The following TGFA variants were observed in gnomAD, a reference collection of about 807,000 sequenced individuals.
TGFA encodes transforming growth factor alpha, also known as protransforming growth factor alpha.
TGFA carries 12 observed loss-of-function variants against 21.7 expected under a neutral mutation model. That is an observed-to-expected ratio of 0.55 (90% CI 0.35 to 0.90). The LOEUF (loss-of-function observed/expected upper bound fraction) is 0.90, where lower values mean the gene tolerates loss of function less well. TGFA is among the 40% of genes least tolerant of loss of function. The pLI, the probability that TGFA is intolerant of heterozygous loss-of-function variation, is 0.01. For missense variants in TGFA, 178 were observed against 210.8 expected, an observed-to-expected ratio of 0.84 and a Z score of 0.96; for synonymous variants, 79 against 88.1, an observed-to-expected ratio of 0.90 and a Z score of 0.58.
At chr2:70,510,973 T>C (rs1327455211) in intron 2 of TGFA, among the ~76,000 whole-genome samples, 4 of 146,958 alleles carry the variant, frequency 2.7e-5, no homozygotes, top group African/African-American at 1.0e-4. Flanking sequence ...AGATCTCATT[T>C]CTAAAAATAA....
At chr2:70,522,489 C>A (rs1672502323) in intron 1 of TGFA, among the ~76,000 whole-genome samples, 1 of 152,088 alleles carries the variant, frequency 6.6e-6, no homozygotes, top group Admixed American at 6.6e-5. Flanking sequence ...GGCTGGAGTA[C>A]AGTGGCATGA....
intron 1 of TGFA, among the ~76,000 whole-genome samples, chr2:70,541,476 A>G (rs1261064844): frequency 1.3e-5 from 2 of 152,184 alleles, no homozygotes; most frequent in Admixed American, 6.5e-5. Flanking sequence ...GTCTCTGGTG[A>G]GTCAATCTGG....
Position 70,448,084 on chromosome 2 carries a change from C to CT in TGFA, c.*2774dup, listed in dbSNP as rs1374132277. On this transcript the variant is annotated 3_prime_UTR_variant, in exon 6 of 6. Transcript: ENST00000295400. The stretch of plus-strand genomic sequence containing the variant: ...TTCTCCTTTCTCAGGGAAAAGAACT[C>CT]TAGGGCCATTCTGCCCATCTCTCCT... 1 of 152,212 alleles carries CT rather than the reference C, an allele frequency of 6.6e-6. No individual in the cohort carries two copies. 9.4% of individuals were successfully genotyped at this position (152,212 alleles called of 1,614,324 possible).
intron 1 of TGFA, among the ~76,000 whole-genome samples, chr2:70,521,346 C>T (rs1406308688): frequency 1.3e-5 from 2 of 152,154 alleles, no homozygotes; most frequent in Admixed American, 6.5e-5. Flanking sequence ...CTTTTCCCTG[C>T]ACAAAAATTG....
At chr2:70,501,515 A>G (rs1375859991) in intron 2 of TGFA, among the ~76,000 whole-genome samples, 1 of 152,152 alleles carries the variant, frequency 6.6e-6, no homozygotes, top group Non-Finnish European at 1.5e-5. Context: ...TTAAACAAGA[A>G]AGAGAGAAAG....
At chr2:70,542,569 A>G (rs1553505310) in intron 1 of TGFA, among the ~76,000 whole-genome samples, 1 of 152,198 alleles carries the variant, frequency 6.6e-6, no homozygotes, top group Non-Finnish European at 1.5e-5. Context: ...TCTCTCATAT[A>G]AGCATTGGTT....
chr2:70,499,685 A>T (rs187453949), intron 2 of TGFA, among the ~76,000 whole-genome samples: 1 of 152,314 alleles, frequency 6.6e-6, no homozygotes, highest in East Asian at 1.9e-4. Context: ...TTTATTTTGT[A>T]TCTATTGTGT....
intron 5 of TGFA, among the ~76,000 whole-genome samples, chr2:70,452,478 T>C (rs1014185929): frequency 1.6e-5 from 2 of 127,296 alleles, no homozygotes; most frequent in Admixed American, 1.5e-4. Context: ...TTAAGGTCAT[T>C]AGAGACCTTT....
intron 2 of TGFA, among the ~76,000 whole-genome samples, chr2:70,479,722 C>T (rs967686861): frequency 2.6e-5 from 4 of 151,822 alleles, no homozygotes; most frequent in African/African-American, 7.3e-5. Flanking sequence ...ACTGACTTTA[C>T]TGTGATATCT....
chr2:70,522,356 A>G (rs1158138387), intron 1 of TGFA, among the ~76,000 whole-genome samples: 1 of 152,214 alleles, frequency 6.6e-6, no homozygotes, highest in African/African-American at 2.4e-5. Flanking sequence ...CCCTGCCGCT[A>G]CAGCTCTAGG....
rs57147767 is a variant in TGFA, at chr2:70,474,969, CGTGTGT to C, written c.95-9239_95-9234del. Among the ~76,000 whole-genome samples the C allele has an allele frequency of 2.0e-3, 296 of 147,474 alleles. 1 individual carries two copies. The highest frequency in any genetic ancestry group is 3.5e-3 in the Middle Eastern group (1 of 288). On this transcript the variant is annotated intron_variant, in intron 2 of 5. Coordinates refer to ENST00000295400, the MANE Select transcript of TGFA (RefSeq NM_003236.4). ...TACTGGTTATTGATAACACAGCAGC[CGTGTGT>C]GTGTGTGTGTGTGTGTGTGTGTGTG...
intron 1 of TGFA, among the ~76,000 whole-genome samples, chr2:70,549,452 G>C (rs1456619849): frequency 6.6e-6 from 1 of 152,150 alleles, no homozygotes; most frequent in Non-Finnish European, 1.5e-5. Context: ...GAACTTGTCA[G>C]CCAGGCAAAC....
At chr2:70,534,485 G>A (rs189523944) in intron 1 of TGFA, among the ~76,000 whole-genome samples, 1 of 152,202 alleles carries the variant, frequency 6.6e-6, no homozygotes, top group Admixed American at 6.5e-5. Context: ...TCACTCACTG[G>A]GGGACAGACT....
At chr2:70,480,312 C>T (rs1270206995) in intron 2 of TGFA, among the ~76,000 whole-genome samples, 1 of 152,194 alleles carries the variant, frequency 6.6e-6, no homozygotes, top group Non-Finnish European at 1.5e-5. Context: ...CATACCTTGG[C>T]CTTCCAAGGT....
At chr2:70,492,294 C>G (rs1671459472) in intron 2 of TGFA, among the ~76,000 whole-genome samples, 1 of 152,148 alleles carries the variant, frequency 6.6e-6, no homozygotes, top group African/African-American at 2.4e-5. Flanking sequence ...CTTCTCCACA[C>G]CTGGTGAAGG....
chr2:70,472,121 T>A (rs1465433963), intron 2 of TGFA, among the ~76,000 whole-genome samples: 8 of 151,932 alleles, frequency 5.3e-5, no homozygotes, highest in Non-Finnish European at 7.4e-5. Context: ...ACTTAAAATT[T>A]AAAAAAAGAA....
chr2:70,541,503 T>C (rs562519766), intron 1 of TGFA, among the ~76,000 whole-genome samples: 29 of 152,198 alleles, frequency 1.9e-4, no homozygotes, highest in Non-Finnish European at 4.1e-4. Flanking sequence ...TTTTACACGC[T>C]GTTTGCAGAT....
intron 2 of TGFA, among the ~76,000 whole-genome samples, chr2:70,492,654 T>G (rs558100348): frequency 7.2e-5 from 11 of 152,372 alleles, no homozygotes; most frequent in Admixed American, 2.0e-4. Context: ...ACCTTGATGT[T>G]TCTGGACATC....
intron 3 of TGFA, among the ~76,000 whole-genome samples, chr2:70,460,442 G>T (rs1670374651): frequency 6.6e-6 from 1 of 151,900 alleles, no homozygotes; most frequent in South Asian, 2.1e-4. Context: ...ATTATTTTAG[G>T]CACAAGTCAC....
Sources: gnomAD v4.1 joint callset for allele counts (sites outside exome capture counted in the v4.1 genomes callset) on GRCh38, gnomAD v4.1.1 for gene constraint, MANE v1.5 for transcripts, NCBI Gene and HGNC (gene_info 2026-07-23, HGNC 2026-07-21) for gene names.